FGF9: variants seen among roughly 807,000 people sequenced by gnomAD.
FGF9 encodes the protein fibroblast growth factor 9.
Under a neutral mutation model 19.9 loss-of-function variants are expected in FGF9, and 3 were observed. That is an observed-to-expected ratio of 0.15 (90% confidence interval 0.07 to 0.39). The LOEUF is 0.39. FGF9 is among the 10% of genes least tolerant of loss of function. FGF9 has a pLI of 1.00. For synonymous variants in FGF9, 107 were observed against 106.9 expected (o/e 1.00, Z -0.01); for missense variants, 175 against 256.8 (o/e 0.68, Z 2.18).
At chr13:21,686,518 G>A (rs560943644) in intron 2 of FGF9, among the ~76,000 whole-genome samples, 4 of 152,352 alleles carry the variant, frequency 2.6e-5, no homozygotes, top group Admixed American at 2.6e-4. Flanking sequence ...CATGGAGTCT[G>A]CAAAAGTGAC....
rs536556082 is a variant in FGF9 at position 21,679,191 on chromosome 13, T to C, written c.278-1851T>C. On this transcript the variant is annotated intron_variant, in intron 1 of 2. Transcript: ENST00000382353. ...ATTTGTAATTTCACTTTTTTTGATA[T>C]ACTGTTTAACATCCTATTAAAATAA... Among the ~76,000 whole-genome samples the C allele has an allele frequency of 9.2e-5, 14 of 152,368 alleles. No individual in the cohort carries two copies. In the East Asian group the frequency reaches 2.7e-3, roughly 29 times the overall value.
At chr13:21,686,541 C>G (rs1010469733) in intron 2 of FGF9, among the ~76,000 whole-genome samples, 2 of 152,114 alleles carry the variant, frequency 1.3e-5, no homozygotes, top group Non-Finnish European at 2.9e-5. Context: ...TGGAGGATGG[C>G]GCAGAGATGG....
At chr13:21,692,077 C>T (rs1487101766) in intron 2 of FGF9, among the ~76,000 whole-genome samples, 3 of 150,868 alleles carry the variant, frequency 2.0e-5, no homozygotes, top group African/African-American at 4.9e-5. Flanking sequence ...ATTCTAAGAA[C>T]AGACTTGCCA....
Position 21,673,075 on chromosome 13 carries a change from C to T in FGF9, c.277+886C>T, listed in dbSNP as rs948145448. Among the ~76,000 whole-genome samples, 7 of 152,004 alleles carry T rather than the reference C, an allele frequency of 4.6e-5. No homozygotes were observed. The East Asian group carries it at 9.7e-4, about 21-fold the overall frequency. On this transcript the variant is annotated intron_variant, in intron 1 of 2. Transcript: ENST00000382353. Reference sequence around the variant, plus strand: ...TTTATGCTTGCACACACGTGCTTGCCGGGGCACCCTGAGCCCAACGGCACG... The same window carrying T: ...TTTATGCTTGCACACACGTGCTTGCTGGGGCACCCTGAGCCCAACGGCACG...
At chr13:21,680,961 C>T (rs988097197) in intron 1 of FGF9, 81 bp from the exon 2 acceptor site, 16 of 1,093,662 alleles carry the variant, frequency 1.5e-5, no homozygotes, top group Non-Finnish European at 2.0e-5. Context: ...AGTGTCCTCT[C>T]CAAAACCCCA....
At chr13:21,696,898 A>G (rs780778469) in intron 2 of FGF9, among the ~76,000 whole-genome samples, 1 of 152,226 alleles carries the variant, frequency 6.6e-6, no homozygotes, top group Non-Finnish European at 1.5e-5. Flanking sequence ...TTAAAAGCAT[A>G]TGTATGATTT....
At chr13:21,694,265 C>T (rs1047853303) in intron 2 of FGF9, among the ~76,000 whole-genome samples, 2 of 152,142 alleles carry the variant, frequency 1.3e-5, no homozygotes, top group Non-Finnish European at 2.9e-5. Context: ...TGAGCTTATA[C>T]TGTCATTCTA....
intron 1 of FGF9, among the ~76,000 whole-genome samples, chr13:21,673,120 C>T (rs1871808544): frequency 6.6e-6 from 1 of 152,040 alleles, no homozygotes; most frequent in Non-Finnish European, 1.5e-5. Flanking sequence ...AACACAGTCC[C>T]AATTGGGTGG....
At chr13:21,685,849 G>T (rs1459617439) in intron 2 of FGF9, among the ~76,000 whole-genome samples, 8 of 152,136 alleles carry the variant, frequency 5.3e-5, no homozygotes, top group African/African-American at 1.9e-4. Context: ...GGAAGGGCAG[G>T]CAGGTTAGGT....
chr13:21,684,308 A>T (rs924299804), intron 2 of FGF9, among the ~76,000 whole-genome samples: 5 of 151,228 alleles, frequency 3.3e-5, no homozygotes, highest in African/African-American at 1.2e-4. Flanking sequence ...TCCCTAATGT[A>T]TCTAAAGGGC....
chr13:21,691,106 A>G lies in FGF9; in HGVS notation c.381+9961A>G, dbSNP rs1350537208. On this transcript the variant is annotated intron_variant, in intron 2 of 2. Transcript: ENST00000382353. The surrounding 1 kb of genome is among the most constrained non-coding windows in gnomAD (Gnocchi z 4.2). Reference sequence around the variant, plus strand: ...GTATTTCCCCCGGGAGCAATGGTTCAGTATTCTAGGAGACTTTATAGAACT... The same window carrying G: ...GTATTTCCCCCGGGAGCAATGGTTCGGTATTCTAGGAGACTTTATAGAACT... 2.6e-5 allele frequency among the ~76,000 whole-genome samples: 4 copies of G among 152,228 alleles called. No homozygotes were observed. The highest frequency in any genetic ancestry group is 1.9e-4 in the East Asian group (1 of 5,204).
rs538791227 is a variant in FGF9, at chr13:21,671,221, C to A, written c.-692C>A. Among the ~76,000 whole-genome samples, 2 of 152,374 alleles carry A rather than the reference C, an allele frequency of 1.3e-5. No individual in the cohort carries two copies. The highest frequency in any genetic ancestry group is 4.1e-4 in the South Asian group (2 of 4,834). On this transcript the variant is annotated 5_prime_UTR_variant, in exon 1 of 3. Transcript: ENST00000382353. The stretch of plus-strand genomic sequence containing the variant: ...GCTCTCCTCGCTCGCCGCTCGCCAC[C>A]CGTTCTAAGCCAATGGACATCTGCC...
intron 1 of FGF9, among the ~76,000 whole-genome samples, chr13:21,677,668 C>A (rs554018242): frequency 5.9e-5 from 9 of 152,280 alleles, no homozygotes; most frequent in African/African-American, 2.2e-4. Flanking sequence ...CAGTGGAATT[C>A]TTTGCATGGG....
intron 2 of FGF9, among the ~76,000 whole-genome samples, chr13:21,695,683 G>A (rs1185251564): frequency 2.0e-5 from 3 of 152,212 alleles, no homozygotes; most frequent in Non-Finnish European, 4.4e-5. Context: ...GATTATTAAT[G>A]AGGAAGAGTA....
chr13:21,671,387 C>G lies in FGF9; in HGVS notation c.-526C>G. 2.5e-6 allele frequency: 1 copy of G among 396,386 alleles called. No individual in the cohort carries two copies. 24.6% of individuals were successfully genotyped at this position (396,386 alleles called of 1,614,324 possible). The stretch of plus-strand genomic sequence containing the variant: ...CCACCAACGTGAGATTTTTTTTTCC[C>G]CTTGAAGGATTCATGCTGATGTCTG... On this transcript the variant is annotated 5_prime_UTR_variant, in exon 1 of 3. Transcript: ENST00000382353.
At chr13:21,697,867 C>T (rs1872446497) in intron 2 of FGF9, among the ~76,000 whole-genome samples, 1 of 149,922 alleles carries the variant, frequency 6.7e-6, no homozygotes, top group African/African-American at 2.5e-5. Context: ...AGTGCAGTGG[C>T]ACGGTCTTGG....
At chr13:21,677,077 GAGC>G (rs1871934088) in intron 1 of FGF9, among the ~76,000 whole-genome samples, 2 of 152,178 alleles carry the variant, frequency 1.3e-5, no homozygotes, top group Admixed American at 1.3e-4. Flanking sequence ...GGGTCCCAAT[GAGC>G]ATATCCTCAT....
chr13:21,680,763 T>C (rs1349865797), intron 1 of FGF9, among the ~76,000 whole-genome samples: 1 of 152,248 alleles, frequency 6.6e-6, no homozygotes, highest in Non-Finnish European at 1.5e-5. Flanking sequence ...TCTTAGCATA[T>C]CTATGTAGAT....
At chr13:21,679,160 AAC>A (rs1462934540) in intron 1 of FGF9, among the ~76,000 whole-genome samples, 1 of 152,228 alleles carries the variant, frequency 6.6e-6, no homozygotes, top group African/African-American at 2.4e-5. Flanking sequence ...TCAGATTCAA[AAC>A]ACAATTTGTA....
Sources: gnomAD v4.1 joint callset for allele counts (sites outside exome capture counted in the v4.1 genomes callset) on GRCh38, gnomAD v4.1.1 for gene constraint, Gnocchi (gnomAD v3.1) non-coding constraint, MANE v1.5 for transcripts, NCBI Gene and HGNC (gene_info 2026-07-23, HGNC 2026-07-21) for gene names.